P3H2: variants seen among roughly 807,000 people sequenced by gnomAD.
P3H2 encodes prolyl 3-hydroxylase 2.
A neutral mutation model predicts 87.0 loss-of-function variants in P3H2; 80 were observed. The observed-to-expected ratio is 0.92, with a 90% CI of 0.77 to 1.11. The LOEUF (loss-of-function observed/expected upper bound fraction) is 1.11. Among genes scored for constraint, P3H2 ranks in the 50% least tolerant of loss-of-function variants. The pLI is 0.00. For synonymous variants in P3H2, 367 were observed against 359.3 expected (o/e 1.02, Z -0.24); for missense variants, 1,001 against 923.9 (o/e 1.08, Z -1.08).
At chr3:190,012,807 A>T (rs993788067) in intron 1 of P3H2, among the ~76,000 whole-genome samples, 1 of 152,198 alleles carries the variant, frequency 6.6e-6, no homozygotes, top group Non-Finnish European at 1.5e-5. Flanking sequence ...CTGGGGGCAG[A>T]GTTCTGAAGA....
intron 12 of P3H2, chr3:189,971,406 T>C (rs1269905457): frequency 4.2e-6 from 1 of 238,246 alleles, no homozygotes; most frequent in Admixed American, 5.2e-5. Context: ...CTATAACTCC[T>C]GATTCCTTAC....
chr3:190,047,401 G>C (rs796975378), intron 1 of P3H2, among the ~76,000 whole-genome samples: 1 of 152,162 alleles, frequency 6.6e-6, no homozygotes, highest in East Asian at 1.9e-4. Flanking sequence ...CAAGGGAAAG[G>C]AAACTAGTGT....
Position 190,037,820 on chromosome 3 carries a change from C to A in P3H2, c.481-42378G>T, listed in dbSNP as rs922551149. Among the ~76,000 whole-genome samples the A allele has an allele frequency of 1.5e-4, 23 of 152,104 alleles. 1 individual carries two copies. Among genetic ancestry groups the A allele is most frequent in the Non-Finnish European group, 2.9e-5 (2 of 68,032 alleles). On this transcript the variant is annotated intron_variant, in intron 1 of 14. Transcript: ENST00000319332. ...TATTTGTTAAGCAAAATAATAGTTT[C>A]TTTAAAATGAGACAACAGAATATTT...
chr3:189,984,869 A>G (rs1723643147), intron 6 of P3H2, among the ~76,000 whole-genome samples: 1 of 152,124 alleles, frequency 6.6e-6, no homozygotes, highest in African/African-American at 2.4e-5. Flanking sequence ...CAAGAAAGTG[A>G]CTTGGAATTT....
At chr3:190,021,950 T>C (rs886304567) in intron 1 of P3H2, among the ~76,000 whole-genome samples, 1 of 135,238 alleles carries the variant, frequency 7.4e-6, no homozygotes, top group Admixed American at 7.5e-5. Context: ...AAGCTGTCAG[T>C]GATACTTTAT....
rs1723213891 is a variant in P3H2, at chr3:189,972,803, C to T, written c.1699+71G>A. On this transcript the variant is annotated intron_variant, in intron 11 of 14. Coordinates refer to ENST00000319332, the MANE Select transcript of P3H2 (RefSeq NM_018192.4). ...AATATTAATCTACCATGCTGTTGAGCTTTGTTTTGCCTTGTTTCATTTCCC... is the reference window on the plus strand; with the variant it reads ...AATATTAATCTACCATGCTGTTGAGTTTTGTTTTGCCTTGTTTCATTTCCC... 6 of 1,522,544 alleles carry T rather than the reference C, an allele frequency of 3.9e-6. No homozygotes were observed. In the South Asian group the frequency reaches 6.8e-5, roughly 17 times the overall value. 94.3% of individuals were successfully genotyped at this position (1,522,544 alleles called of 1,614,324 possible).
At chr3:190,080,306 A>G (rs1727000597) in intron 1 of P3H2, among the ~76,000 whole-genome samples, 1 of 152,184 alleles carries the variant, frequency 6.6e-6, no homozygotes, top group Non-Finnish European at 1.5e-5. Flanking sequence ...TGTATGAAGG[A>G]CCTTGAGTGC....
chr3:190,106,089 T>G (rs1048382289), intron 1 of P3H2, among the ~76,000 whole-genome samples: 3 of 152,168 alleles, frequency 2.0e-5, no homozygotes, highest in Non-Finnish European at 2.9e-5. Flanking sequence ...AAGATGTGTC[T>G]GTGGGAAGAG....
intron 1 of P3H2, among the ~76,000 whole-genome samples, chr3:190,036,998 C>T (rs1725445543): frequency 6.6e-6 from 1 of 151,824 alleles, no homozygotes; most frequent in Admixed American, 6.6e-5. Flanking sequence ...TTAACAACAA[C>T]AACAAAATAG....
rs548863734 is a variant in P3H2 at position 189,979,799 on chromosome 3, T to TAA, written c.1324+3245_1324+3246dup. ...CGAGATGGTGAAACCCCGTCTCTACTAAAAAAAAAAATGAAGAAATTAGCC... is the reference window on the plus strand; with the variant it reads ...CGAGATGGTGAAACCCCGTCTCTACTAAAAAAAAAAAAATGAAGAAATTAGCC... On this transcript the variant is annotated intron_variant, in intron 8 of 14. Coordinates refer to ENST00000319332, the MANE Select transcript of P3H2 (RefSeq NM_018192.4). 1.8e-4 allele frequency among the ~76,000 whole-genome samples: 26 copies of TAA among 143,818 alleles called. No homozygotes were observed. In the East Asian group the frequency reaches 4.1e-3, roughly 23 times the overall value. The allele number at this position is 143,818 out of a possible 152,430, so 94.4% of individuals were successfully genotyped here.
At chr3:189,977,767 AT>A (rs11361845) in intron 8 of P3H2, among the ~76,000 whole-genome samples, 2,451 of 144,090 alleles carry the variant, frequency 0.017, 57 homozygotes, top group African/African-American at 0.057. Context: ...TGCCTAGTTT[AT>A]TTTTTTTTTT....
upstream of P3H2, chr3:190,121,128 T>G (rs1712570945): frequency 1.6e-5 from 3 of 189,280 alleles, no homozygotes; most frequent in East Asian, 2.7e-4. Context: ...ATAGTATTAG[T>G]CTTCTTTTTG....
At chr3:190,091,316 A>C (rs1249893806) in intron 1 of P3H2, among the ~76,000 whole-genome samples, 2 of 152,234 alleles carry the variant, frequency 1.3e-5, no homozygotes, top group Admixed American at 6.5e-5. Context: ...AGTGGTTCTA[A>C]GAGTCATGAT....
upstream of P3H2, chr3:190,121,530 C>T (rs1380187196): frequency 1.3e-5 from 2 of 152,268 alleles, no homozygotes; most frequent in African/African-American, 4.8e-5. Flanking sequence ...GAAGGTTTCT[C>T]CCTTACCTTT....
intron 13 of P3H2, among the ~76,000 whole-genome samples, chr3:189,967,005 T>C (rs1723025208): frequency 6.6e-6 from 1 of 152,166 alleles, no homozygotes; most frequent in South Asian, 2.1e-4. Flanking sequence ...AGTTATGCCA[T>C]TTCTCTGCTC....
intron 1 of P3H2, among the ~76,000 whole-genome samples, chr3:190,102,975 A>T (rs1022530548): frequency 6.6e-6 from 1 of 152,226 alleles, no homozygotes; most frequent in African/African-American, 2.4e-5. Flanking sequence ...ATCTTGCTGA[A>T]GGCTCAGATA....
chr3:190,004,650 G>T (rs1724331289), intron 1 of P3H2, among the ~76,000 whole-genome samples: 1 of 152,120 alleles, frequency 6.6e-6, no homozygotes, highest in African/African-American at 2.4e-5. Flanking sequence ...CCAAAGTGCT[G>T]GGATTACAGG....
intron 1 of P3H2, among the ~76,000 whole-genome samples, chr3:190,094,635 A>G (rs1451537988): frequency 1.3e-5 from 2 of 152,216 alleles, no homozygotes; most frequent in African/African-American, 4.8e-5. Context: ...TACAGCAACA[A>G]CAGTGGGGTA....
chr3:190,044,103 A>G (rs1469625726), intron 1 of P3H2, among the ~76,000 whole-genome samples: 9 of 152,214 alleles, frequency 5.9e-5, no homozygotes, highest in Non-Finnish European at 1.5e-5. Flanking sequence ...CTTAAAATAA[A>G]TGCAGGGTCA....
Sources: allele counts gnomAD v4.1 joint callset (sites outside exome capture counted in the v4.1 genomes callset), GRCh38; gene constraint gnomAD v4.1.1; transcripts MANE v1.5; gene names NCBI Gene and HGNC (gene_info 2026-07-23, HGNC 2026-07-21).